The following STX5 variants were observed in gnomAD, a reference collection of about 807,000 sequenced individuals.
STX5 encodes the protein syntaxin-5.
A neutral mutation model predicts 42.9 loss-of-function variants in STX5; 15 were observed. The ratio of observed to expected loss-of-function variants is 0.35; its 90% CI spans 0.23 to 0.54. The LOEUF (loss-of-function observed/expected upper bound fraction) is 0.54, where lower values mean the gene tolerates loss of function less well. STX5 is among the 20% of genes least tolerant of loss of function. The pLI is 0.91. For synonymous variants in STX5, 184 were observed against 173.2 expected, an observed-to-expected ratio of 1.06 and a Z score of -0.49; for missense variants, 430 against 455.0, an observed-to-expected ratio of 0.95 and a Z score of 0.50.
chr11:62,816,946 GCTCT>G (rs1331495834), intron 10 of STX5, among the ~76,000 whole-genome samples: 9 of 151,490 alleles, frequency 5.9e-5, no homozygotes, highest in Admixed American at 5.9e-4. Flanking sequence ...CTTTCTAATT[GCTCT>G]CTCTCATTCT....
At position 62,827,143 on chromosome 11, in the gene STX5, C is replaced by T. The variant is rs911905889; in HGVS notation, c.423+12G>A. 1 of 1,612,780 alleles carries T rather than the reference C, an allele frequency of 6.2e-7. No homozygotes were observed. Among genetic ancestry groups the T allele is most frequent in the Admixed American group, 1.7e-5 (1 of 59,930 alleles). ...TTGGAATGCTGGGCTCTCCTGATGG[C>T]TAGTAGCTCACCTGTTTGATGATAT... On this transcript the variant is annotated intron_variant, in intron 5 of 10. Coordinates refer to ENST00000294179, the MANE Select transcript of STX5 (RefSeq NM_003164.5).
intron 2 of STX5, 112 bp from the exon 3 acceptor site, chr11:62,827,743 G>A: frequency 9.2e-7 from 1 of 1,088,440 alleles, no homozygotes. Flanking sequence ...GCATCCATCA[G>A]ATGATCTAGA....
chr11:62,810,468 A>C (rs1009731030), intron 10 of STX5, among the ~76,000 whole-genome samples: 1 of 152,106 alleles, frequency 6.6e-6, no homozygotes, highest in Non-Finnish European at 1.5e-5. Context: ...ACAAATATGA[A>C]AACAAAAAAA....
rs2084778785 is a variant in STX5 at position 62,825,016 on chromosome 11, C to G, written c.679+20G>C. On this transcript the variant is annotated intron_variant, in intron 8 of 10. Coordinates refer to ENST00000294179, the MANE Select transcript of STX5 (RefSeq NM_003164.5). ...AAGTAACCTTACCTCCCAGGGCTCCCCGTTTTACCTGTGACTTACCCAGGT... is the reference window on the plus strand; with the variant it reads ...AAGTAACCTTACCTCCCAGGGCTCCGCGTTTTACCTGTGACTTACCCAGGT... 2 of 1,613,314 alleles carry G rather than the reference C, an allele frequency of 1.2e-6. No individual in the cohort carries two copies. Among genetic ancestry groups the G allele is most frequent in the Non-Finnish European group, 1.7e-6 (2 of 1,179,678 alleles).
chr11:62,809,386 CATT>C (rs2084590553), intron 10 of STX5, among the ~76,000 whole-genome samples: 1 of 140,796 alleles, frequency 7.1e-6, no homozygotes, highest in South Asian at 2.3e-4. Context: ...TTGAAAATGA[CATT>C]ATGGGCAGGG....
At position 62,807,259 on chromosome 11, in the gene STX5, T is replaced by A. The variant is rs2084561299; in HGVS notation, c.*210A>T. On this transcript the variant is annotated 3_prime_UTR_variant, in exon 11 of 11. Coordinates refer to ENST00000294179, the MANE Select transcript of STX5 (RefSeq NM_003164.5). ...ACAGCAGAGTTCAAATCTAGAACCCTGTGTGTTTCATAGGCCTGAGGGTGG... is the reference window on the plus strand; with the variant it reads ...ACAGCAGAGTTCAAATCTAGAACCCAGTGTGTTTCATAGGCCTGAGGGTGG... The A allele has an allele frequency of 1.6e-6, 1 of 645,034 alleles. No individual in the cohort carries two copies. The highest frequency in any genetic ancestry group is 1.8e-5 in the African/African-American group (1 of 54,740). The allele number at this position is 645,034 out of a possible 1,614,324, so 40.0% of individuals were successfully genotyped here. A position where few individuals can be genotyped will look rare whatever the true frequency, so the allele number is the denominator to read the frequency against.
rs114516590 is a variant in STX5, at chr11:62,831,883, T to C, written c.-20+71A>G. The C allele has an allele frequency of 1.8e-3, 813 of 453,946 alleles. 7 individuals carry two copies. The highest frequency in any genetic ancestry group is 0.015 in the African/African-American group (763 of 49,546). 28.1% of individuals were successfully genotyped at this position (453,946 alleles called of 1,614,324 possible). Reference sequence around the variant, plus strand: ...CCCCTGATTCCCTTCCCCCCGCCAGTCGTCGCCCCCGTAAAACCACTGCCC... The same window carrying C: ...CCCCTGATTCCCTTCCCCCCGCCAGCCGTCGCCCCCGTAAAACCACTGCCC... On this transcript the variant is annotated intron_variant, in intron 1 of 10. Transcript: ENST00000294179.
In STX5 at chr11:62,827,543, A is replaced by G. The variant is rs768775538; in HGVS notation, c.296+18T>C. ...TCAGACACTGTATCACCCCACCAGA[A>G]AGCTTCTCTCAACTCACTTGGCCAT... is the stretch of plus-strand genomic sequence containing the variant. On this transcript the variant is annotated intron_variant, in intron 3 of 10. Coordinates refer to ENST00000294179, the MANE Select transcript of STX5 (RefSeq NM_003164.5). 1 of 1,614,138 alleles carries G rather than the reference A, an allele frequency of 6.2e-7. No homozygotes were observed. The highest frequency in any genetic ancestry group is 8.5e-7 in the Non-Finnish European group (1 of 1,179,998).
intron 10 of STX5, among the ~76,000 whole-genome samples, chr11:62,811,605 G>A (rs927392103): frequency 3.3e-5 from 5 of 151,428 alleles, no homozygotes; most frequent in African/African-American, 7.3e-5. Context: ...TCACTTCTGG[G>A]AAGGCCCCTT....
chr11:62,829,162 C>A (rs1046597862), intron 2 of STX5, among the ~76,000 whole-genome samples: 2 of 152,140 alleles, frequency 1.3e-5, no homozygotes, highest in African/African-American at 4.8e-5. Context: ...CGGTGGCTCA[C>A]GCTTGCAATC....
chr11:62,830,787 A>G (rs2084847905), intron 2 of STX5, among the ~76,000 whole-genome samples: 1 of 152,188 alleles, frequency 6.6e-6, no homozygotes, highest in Admixed American at 6.5e-5. Flanking sequence ...TCCCTCCAGA[A>G]TAGCAATCCT....
chr11:62,828,193 C>T (rs956852361), intron 2 of STX5, among the ~76,000 whole-genome samples: 2 of 151,874 alleles, frequency 1.3e-5, no homozygotes, highest in Non-Finnish European at 2.9e-5. Context: ...TAACTTACTG[C>T]GGCCTCGACA....
chr11:62,807,938 A>C (rs1258898733), intron 10 of STX5: 1 of 351,604 alleles, frequency 2.8e-6, no homozygotes, highest in East Asian at 5.2e-5. Flanking sequence ...GAGTTAGTAT[A>C]AAGTCCCTAA....
chr11:62,812,948 C>T (rs1323528768), intron 10 of STX5, among the ~76,000 whole-genome samples: 1 of 151,614 alleles, frequency 6.6e-6, no homozygotes, highest in Non-Finnish European at 1.5e-5. Flanking sequence ...CCCATCTCTA[C>T]TAAAAATACA....
intron 10 of STX5, among the ~76,000 whole-genome samples, chr11:62,813,273 A>G (rs1028144154): frequency 5.3e-5 from 8 of 152,076 alleles, no homozygotes; most frequent in African/African-American, 1.4e-4. Flanking sequence ...GACTGTCTCA[A>G]ACAAACAACA....
At chr11:62,831,305 A>G in intron 1 of STX5, 43 bp from the exon 2 acceptor site, 3 of 1,386,766 alleles carry the variant, frequency 2.2e-6, no homozygotes, top group Non-Finnish European at 3.0e-6. Context: ...CAACTTCTTT[A>G]CCCAAACTCC....
chr11:62,816,494 T>C (rs1009791006), intron 10 of STX5, among the ~76,000 whole-genome samples: 9 of 152,052 alleles, frequency 5.9e-5, no homozygotes, highest in African/African-American at 2.2e-4. Context: ...TTGCCTAGGC[T>C]GGTCCTGAGC....
chr11:62,831,007 C>T lies in STX5; in HGVS notation c.225+12G>A. On this transcript the variant is annotated intron_variant, in intron 2 of 10. Transcript: ENST00000294179. The stretch of plus-strand genomic sequence containing the variant: ...AGGCTCACTCCTCGCCTTTTCCACT[C>T]CAGGTCCTTACCTGACGGGTCTGCA... The T allele has an allele frequency of 1.9e-6, 3 of 1,548,858 alleles. No homozygotes were observed. Among genetic ancestry groups the T allele is most frequent in the Non-Finnish European group, 1.7e-6 (2 of 1,146,084 alleles).
rs577267656 is a variant in STX5 at position 62,830,668 on chromosome 11, A to G, written c.225+351T>C. On this transcript the variant is annotated intron_variant, in intron 2 of 10. Transcript: ENST00000294179. ...CATGGTTACAGAGCAAACTTATGGT[A>G]GAAGTATATTGGAAAATTCAAGGTG... is the stretch of plus-strand genomic sequence containing the variant. The G allele has an allele frequency of 1.6e-3, 763 of 488,474 alleles. 2 individuals carry two copies. Among genetic ancestry groups the G allele is most frequent in the Admixed American group, 3.5e-3 (127 of 36,048 alleles). The allele number at this position is 488,474 out of a possible 1,614,324, so 30.3% of individuals were successfully genotyped here. A position where few individuals can be genotyped will look rare whatever the true frequency, so the allele number is the denominator to read the frequency against.
Sources: allele counts gnomAD v4.1 joint callset (sites outside exome capture counted in the v4.1 genomes callset), GRCh38; gene constraint gnomAD v4.1.1; transcripts MANE v1.5; gene names NCBI Gene and HGNC (gene_info 2026-07-23, HGNC 2026-07-21).